The following MAF variants were observed in gnomAD, a reference collection of about 807,000 sequenced individuals.
The protein encoded by MAF is transcription factor Maf.
MAF carries 10 observed loss-of-function variants against 22.0 expected under a neutral mutation model. That is an observed-to-expected ratio of 0.45 (90% CI 0.28 to 0.77). The LOEUF (loss-of-function observed/expected upper bound fraction) is 0.77, where lower values mean the gene tolerates loss of function less well. MAF is among the 30% of genes least tolerant of loss of function. The pLI is 0.12. For missense variants in MAF, 544 were observed against 548.4 expected, an observed-to-expected ratio of 0.99 and a Z score of 0.08; for synonymous variants, 337 against 255.8, an observed-to-expected ratio of 1.32 and a Z score of -3.03.
chr16:79,209,451 A>T, the MAF span, among the ~76,000 whole-genome samples: 11 of 152,216 alleles, frequency 7.2e-5, no homozygotes, highest in Non-Finnish European at 1.2e-4. Flanking sequence ...GCTTGGCAGA[A>T]CAGTGAAAGG....
chr16:79,415,489 T>C, the MAF span, among the ~76,000 whole-genome samples: 4 of 152,272 alleles, frequency 2.6e-5, no homozygotes, highest in African/African-American at 4.8e-5. Context: ...AATAGAGCTA[T>C]GTGTTGGGGC....
the MAF span, among the ~76,000 whole-genome samples, chr16:79,540,454 G>C: frequency 7.9e-5 from 12 of 152,232 alleles, no homozygotes; most frequent in Admixed American, 3.3e-4. Context: ...CTGAAGACAA[G>C]GGCATCCACG....
chr16:79,316,695 A>C, the MAF span, among the ~76,000 whole-genome samples: 1,042 of 152,246 alleles, frequency 6.8e-3, 10 homozygotes, highest in Middle Eastern at 0.01. Context: ...AGGATGAAAC[A>C]TGAGGGGTCA....
chr16:79,493,836 C>T, the MAF span, among the ~76,000 whole-genome samples: 2 of 151,880 alleles, frequency 1.3e-5, no homozygotes, highest in Admixed American at 1.3e-4. Context: ...TTTGCTTCCC[C>T]CAAAGCCTTA....
the MAF span, among the ~76,000 whole-genome samples, chr16:79,364,140 C>T: frequency 6.6e-6 from 1 of 152,110 alleles, no homozygotes. Flanking sequence ...GTCCTACATG[C>T]CCTAATTGGG....
chr16:79,511,165 C>T, the MAF span, among the ~76,000 whole-genome samples: 1 of 151,986 alleles, frequency 6.6e-6, no homozygotes, highest in Non-Finnish European at 1.5e-5. Context: ...TATGAATTGC[C>T]TTATTTACCT....
At chr16:79,573,537 G>T in the MAF span, among the ~76,000 whole-genome samples, 2 of 152,124 alleles carry the variant, frequency 1.3e-5, no homozygotes, top group Non-Finnish European at 2.9e-5. Context: ...GTTTTTAACT[G>T]TCTTAATCAA....
the MAF span, among the ~76,000 whole-genome samples, chr16:79,488,232 C>T: frequency 2.0e-5 from 3 of 152,120 alleles, no homozygotes; most frequent in African/African-American, 7.2e-5. Context: ...GTGAACCTGC[C>T]TTTTCCTCCA....
At chr16:79,413,919 G>T in the MAF span, among the ~76,000 whole-genome samples, 1 of 152,170 alleles carries the variant, frequency 6.6e-6, no homozygotes, top group Non-Finnish European at 1.5e-5. Flanking sequence ...ATCAGTGAGT[G>T]TGCTGAGATG....
chr16:79,597,705 T>C (rs1298905030), intron 1 of MAF: 3 of 1,019,548 alleles, frequency 2.9e-6, no homozygotes, highest in African/African-American at 1.7e-5. Context: ...AACAAAAGTA[T>C]GAATGCCATG....
At chr16:79,493,766 T>C in the MAF span, among the ~76,000 whole-genome samples, 1 of 152,198 alleles carries the variant, frequency 6.6e-6, no homozygotes, top group Non-Finnish European at 1.5e-5. Context: ...CATGAAAACA[T>C]TTTCTTTGCT....
chr16:79,323,111 T>G, the MAF span, among the ~76,000 whole-genome samples: 2 of 120,882 alleles, frequency 1.7e-5, no homozygotes, highest in African/African-American at 6.4e-5. Context: ...GATCAGCCAC[T>G]GCATTCCAGC....
At chr16:79,289,906 C>T in the MAF span, among the ~76,000 whole-genome samples, 1 of 143,868 alleles carries the variant, frequency 7.0e-6, no homozygotes, top group African/African-American at 2.7e-5. Flanking sequence ...GGCTGGAGTG[C>T]AGTGGCGTGG....
intron 1 of MAF, among the ~76,000 whole-genome samples, chr16:79,586,432 G>T (rs1357361181): frequency 1.3e-5 from 2 of 152,166 alleles, no homozygotes; most frequent in South Asian, 4.1e-4. Flanking sequence ...CTGTTGCTTT[G>T]TCTATCCTGC....
At chr16:79,478,276 C>G in the MAF span, among the ~76,000 whole-genome samples, 2 of 152,132 alleles carry the variant, frequency 1.3e-5, no homozygotes, top group African/African-American at 4.8e-5. Flanking sequence ...ATTCCTGTGT[C>G]CACACTTTAC....
chr16:79,330,179 G>A, the MAF span, among the ~76,000 whole-genome samples: 3 of 152,152 alleles, frequency 2.0e-5, no homozygotes, highest in Non-Finnish European at 4.4e-5. Context: ...ATCTACACAT[G>A]CCGCCTGCAA....
At chr16:79,209,678 C>A in the MAF span, among the ~76,000 whole-genome samples, 1 of 152,162 alleles carries the variant, frequency 6.6e-6, no homozygotes, top group Non-Finnish European at 1.5e-5. Context: ...CACCAGAACT[C>A]TAAGATTCCA....
chr16:79,292,911 A>G, the MAF span, among the ~76,000 whole-genome samples: 2 of 152,174 alleles, frequency 1.3e-5, no homozygotes, highest in Non-Finnish European at 2.9e-5. Context: ...CCATGGCAAC[A>G]TAAGAAAGTT....
the MAF span, among the ~76,000 whole-genome samples, chr16:79,267,258 C>T: frequency 2.1e-3 from 324 of 152,234 alleles, 1 homozygote; most frequent in Middle Eastern, 0.031. Flanking sequence ...GGTATTGTGC[C>T]CATTATGAAA....
Sources: allele counts gnomAD v4.1 joint callset (sites outside exome capture counted in the v4.1 genomes callset), GRCh38; gene constraint gnomAD v4.1.1; transcripts MANE v1.5; gene names NCBI Gene and HGNC (gene_info 2026-07-23, HGNC 2026-07-21).